DGKB: variants seen among roughly 807,000 people sequenced by gnomAD.
DGKB encodes the protein 90 kDa diacylglycerol kinase.
Under a neutral mutation model 114.3 loss-of-function variants are expected in DGKB, and 67 were observed. That is an observed-to-expected ratio of 0.59 (90% CI 0.48 to 0.72). DGKB has a LOEUF of 0.72. Ranked by LOEUF, DGKB falls within the 30% of genes least tolerant of loss-of-function variation. The probability of loss-of-function intolerance (pLI) is 0.00; values close to 1 mark genes in which losing one functional copy is unlikely to be tolerated. For synonymous variants in DGKB, 398 were observed against 323.1 expected, an observed-to-expected ratio of 1.23 and a Z score of -2.49; for missense variants, 907 against 975.2, an observed-to-expected ratio of 0.93 and a Z score of 0.93.
At chr7:14,972,255 A>G (rs1196089722) in intron 1 of DGKB, among the ~76,000 whole-genome samples, 1 of 152,172 alleles carries the variant, frequency 6.6e-6, no homozygotes, top group Non-Finnish European at 1.5e-5. Flanking sequence ...TCTCCATTTT[A>G]GATTTAATAT....
chr7:14,756,123 C>T (rs17168394), intron 3 of DGKB, among the ~76,000 whole-genome samples: 3,112 of 152,008 alleles, frequency 0.02, 104 homozygotes, highest in African/African-American at 0.071. Context: ...GGCTGCTTTG[C>T]AAACAAGATC....
intron 2 of DGKB, among the ~76,000 whole-genome samples, chr7:14,760,679 A>G (rs904141295): frequency 8.5e-5 from 13 of 152,082 alleles, no homozygotes; most frequent in African/African-American, 2.9e-4. Context: ...TTTTAACCAT[A>G]TCTTAGGCCA....
chr7:14,912,849 T>A (rs983743106), intron 1 of DGKB, among the ~76,000 whole-genome samples: 7 of 152,174 alleles, frequency 4.6e-5, no homozygotes, highest in Non-Finnish European at 1.0e-4. Context: ...AGATAGACCA[T>A]CTTTCATATT....
At chr7:14,277,713 A>G (rs1215606701) in intron 23 of DGKB, among the ~76,000 whole-genome samples, 1 of 152,232 alleles carries the variant, frequency 6.6e-6, no homozygotes, top group Non-Finnish European at 1.5e-5. Context: ...GTATAGTGCT[A>G]CAATGAACAT....
rs1048234112 is a variant in DGKB at position 14,146,313 on chromosome 7, G to C, written c.*2818C>G. The C allele has an allele frequency of 6.6e-6, 1 of 152,154 alleles. No homozygotes were observed. Among genetic ancestry groups the C allele is most frequent in the African/African-American group, 2.4e-5 (1 of 41,450 alleles). The allele number at this position is 152,154 out of a possible 1,614,324, so 9.4% of individuals were successfully genotyped here. ...GTCTCTCTGGAATCTCATCAACTCA[G>C]TGCCTAGCAATGTTTAGCAGAGTGC... is the stretch of plus-strand genomic sequence containing the variant. On this transcript the variant is annotated 3_prime_UTR_variant, in exon 26 of 26. Transcript: ENST00000402815.
chr7:14,627,135 C>T (rs908315300), intron 14 of DGKB, among the ~76,000 whole-genome samples: 3 of 152,142 alleles, frequency 2.0e-5, no homozygotes, highest in Non-Finnish European at 4.4e-5. Context: ...CACAGGTATA[C>T]TGCTTGGTCA....
At chr7:14,561,289 T>C (rs1796624109) in intron 20 of DGKB, among the ~76,000 whole-genome samples, 1 of 152,192 alleles carries the variant, frequency 6.6e-6, no homozygotes, top group African/African-American at 2.4e-5. Context: ...GCCATGATAG[T>C]GAGGCCTCTC....
intron 12 of DGKB, among the ~76,000 whole-genome samples, chr7:14,673,828 C>T (rs1819407444): frequency 6.6e-6 from 1 of 151,986 alleles, no homozygotes; most frequent in African/African-American, 2.4e-5. Flanking sequence ...AGAGATTTCT[C>T]CCTCCTGCAC....
chr7:14,176,997 G>C (rs1210250837), intron 24 of DGKB, 98 bp from the exon 25 acceptor site: 2 of 1,367,940 alleles, frequency 1.5e-6, no homozygotes, highest in Non-Finnish European at 2.0e-6. Flanking sequence ...AAGGCAATAT[G>C]GTAATAGTTG....
At chr7:14,956,256 C>A (rs188609005) in intron 1 of DGKB, among the ~76,000 whole-genome samples, 1 of 151,806 alleles carries the variant, frequency 6.6e-6, no homozygotes, top group Non-Finnish European at 1.5e-5. Flanking sequence ...AAATGCAGTG[C>A]ATTTGAATAG....
At chr7:14,350,485 C>G (rs1158128516) in intron 21 of DGKB, among the ~76,000 whole-genome samples, 2 of 151,834 alleles carry the variant, frequency 1.3e-5, no homozygotes, top group Non-Finnish European at 2.9e-5. Context: ...TCATTTCTAA[C>G]AAAGATGCAA....
chr7:14,530,463 C>T (rs1791396318), intron 20 of DGKB, among the ~76,000 whole-genome samples: 1 of 151,386 alleles, frequency 6.6e-6, no homozygotes, highest in African/African-American at 2.4e-5. Context: ...TTTTACATGC[C>T]TCCCTTGATT....
intron 1 of DGKB, among the ~76,000 whole-genome samples, chr7:14,893,819 T>C (rs1781679435): frequency 6.6e-6 from 1 of 151,378 alleles, no homozygotes; most frequent in African/African-American, 2.4e-5. Context: ...TCTCTTGTTC[T>C]CCCCATCTCC....
chr7:14,530,222 A>G (rs1030253995), intron 20 of DGKB, among the ~76,000 whole-genome samples: 1 of 151,602 alleles, frequency 6.6e-6, no homozygotes, highest in Non-Finnish European at 1.5e-5. Context: ...TACAGTCCTA[A>G]TTTTTTTAAA....
At chr7:14,583,898 A>G (rs1251207003) in intron 17 of DGKB, among the ~76,000 whole-genome samples, 8 of 152,202 alleles carry the variant, frequency 5.3e-5, no homozygotes, top group Non-Finnish European at 8.8e-5. Context: ...TTGAAACAGG[A>G]CAGAAATTTT....
intron 21 of DGKB, among the ~76,000 whole-genome samples, chr7:14,468,929 G>T (rs146536160): frequency 6.6e-6 from 1 of 152,032 alleles, no homozygotes; most frequent in African/African-American, 2.4e-5. Context: ...CCTAGGAATC[G>T]AAAGGCAAAA....
At chr7:14,313,346 A>T (rs6461085) in intron 23 of DGKB, among the ~76,000 whole-genome samples, 132,599 of 151,888 alleles carry the variant, frequency 0.87, 58,233 homozygotes, top group African/African-American at 0.97. Context: ...GATTTCTGCA[A>T]TTCCATCTGA....
At chr7:14,462,710 T>C (rs1258928491) in intron 21 of DGKB, among the ~76,000 whole-genome samples, 1 of 152,168 alleles carries the variant, frequency 6.6e-6, no homozygotes, top group South Asian at 2.1e-4. Context: ...CAAGCAACCA[T>C]TGACTTTTCT....
intron 6 of DGKB, among the ~76,000 whole-genome samples, chr7:14,706,789 C>G (rs1450719017): frequency 1.9e-5 from 2 of 106,056 alleles, no homozygotes; most frequent in Admixed American, 2.1e-4. Context: ...ACACAACATA[C>G]CAGAATCTCT....
Sources: gnomAD v4.1 joint callset for allele counts (sites outside exome capture counted in the v4.1 genomes callset) on GRCh38, gnomAD v4.1.1 for gene constraint, MANE v1.5 for transcripts, NCBI Gene and HGNC (gene_info 2026-07-23, HGNC 2026-07-21) for gene names.